SH3RF1: variants seen among roughly 807,000 people sequenced by gnomAD.
SH3RF1 encodes SH3 domain containing ring finger 1.
Under a neutral mutation model 74.0 loss-of-function variants are expected in SH3RF1, and 32 were observed. That is an observed-to-expected ratio of 0.43 (90% CI 0.33 to 0.58). The LOEUF (loss-of-function observed/expected upper bound fraction) is 0.58, where lower values mean the gene tolerates loss of function less well. Ranked by LOEUF, SH3RF1 falls within the 20% of genes least tolerant of loss-of-function variation. The pLI, the probability that SH3RF1 is intolerant of heterozygous loss-of-function variation, is 0.05. For missense variants in SH3RF1, 954 were observed against 1,130.9 expected (o/e 0.84, Z 2.24); for synonymous variants, 396 against 439.6 (o/e 0.90, Z 1.24).
chr4:169,270,535 CG>C (rs1731430911), intron 1 of SH3RF1, among the ~76,000 whole-genome samples: 1 of 152,222 alleles, frequency 6.6e-6, no homozygotes, highest in South Asian at 2.1e-4. Flanking sequence ...CAGAGTGCCA[CG>C]GGGAAGCAGC....
At chr4:169,140,822 CACTACAGGATACAAACAGTAGATCTGAGA>C (rs963584802) in intron 4 of SH3RF1, among the ~76,000 whole-genome samples, 2 of 152,060 alleles carry the variant, frequency 1.3e-5, no homozygotes, top group Non-Finnish European at 2.9e-5. Context: ...AGCTTCTGAG[CACTACAGGATACAAACAGTAGATCTGAGA>C]AGTAATTATT....
At chr4:169,204,104 A>T (rs539907885) in intron 2 of SH3RF1, 2 of 152,332 alleles carry the variant, frequency 1.3e-5, no homozygotes, top group African/African-American at 4.8e-5. Context: ...AAAGAACTCA[A>T]GGGTAAGTAA....
rs138454895 is a variant in SH3RF1 at position 169,100,549 on chromosome 4, C to T, written c.2499-3862G>A. Among the ~76,000 whole-genome samples the T allele has an allele frequency of 4.1e-3, 620 of 152,200 alleles. 5 individuals are homozygous for T. The highest frequency in any genetic ancestry group is 0.014 in the African/African-American group (599 of 41,512). The stretch of plus-strand genomic sequence containing the variant: ...TAGAGACAGGGTTTCAATATATTGG[C>T]CAGGCTGGTCTCTAACTCCTGACCT... On this transcript the variant is annotated intron_variant, in intron 11 of 11. Coordinates refer to ENST00000284637, the MANE Select transcript of SH3RF1 (RefSeq NM_020870.4).
chr4:169,145,001 C>T (rs896724432), intron 4 of SH3RF1, among the ~76,000 whole-genome samples: 1 of 152,112 alleles, frequency 6.6e-6, no homozygotes, highest in Admixed American at 6.6e-5. Context: ...AACCATCCAA[C>T]CAACGACCCA....
intron 2 of SH3RF1, among the ~76,000 whole-genome samples, chr4:169,167,367 T>C (rs1368224305): frequency 6.6e-6 from 1 of 152,210 alleles, no homozygotes; most frequent in Non-Finnish European, 1.5e-5. Context: ...AGATTGCTAG[T>C]GGGGGTCTAA....
chr4:169,159,375 CAG>C (rs762904420), intron 2 of SH3RF1, among the ~76,000 whole-genome samples: 2 of 151,730 alleles, frequency 1.3e-5, no homozygotes, highest in Admixed American at 6.6e-5. Flanking sequence ...CAGCAATCGA[CAG>C]AGAGAGAGAG....
At chr4:169,182,053 C>A (rs1734520822) in intron 2 of SH3RF1, among the ~76,000 whole-genome samples, 1 of 152,116 alleles carries the variant, frequency 6.6e-6, no homozygotes, top group Non-Finnish European at 1.5e-5. Flanking sequence ...AGTAGGCACT[C>A]AATTTTTGTT....
chr4:169,179,293 A>C (rs1734470751), intron 2 of SH3RF1, among the ~76,000 whole-genome samples: 1 of 152,228 alleles, frequency 6.6e-6, no homozygotes. Context: ...AAATGTAAAT[A>C]AGGAAACATT....
At chr4:169,168,798 A>C (rs1299233935) in intron 2 of SH3RF1, among the ~76,000 whole-genome samples, 1 of 152,266 alleles carries the variant, frequency 6.6e-6, no homozygotes, top group Non-Finnish European at 1.5e-5. Flanking sequence ...TTGGCAATCA[A>C]ATCATCTGAG....
At chr4:169,246,120 T>C (rs1290887811) in intron 2 of SH3RF1, among the ~76,000 whole-genome samples, 2 of 152,044 alleles carry the variant, frequency 1.3e-5, no homozygotes, top group Admixed American at 1.3e-4. Flanking sequence ...GTGTCTGAAG[T>C]TGGCAAAGTC....
chr4:169,258,231 T>G (rs1162310627), intron 2 of SH3RF1, among the ~76,000 whole-genome samples: 2 of 152,208 alleles, frequency 1.3e-5, no homozygotes, highest in Non-Finnish European at 2.9e-5. Context: ...ATATAGGTGA[T>G]TCTCAGCTTC....
chr4:169,105,589 T>A (rs909493978), intron 11 of SH3RF1, among the ~76,000 whole-genome samples: 2 of 152,196 alleles, frequency 1.3e-5, no homozygotes, highest in African/African-American at 4.8e-5. Flanking sequence ...CCCTTCTGGC[T>A]CAGGAAGAAG....
At chr4:169,247,685 G>A (rs1490504716) in intron 2 of SH3RF1, among the ~76,000 whole-genome samples, 1 of 152,168 alleles carries the variant, frequency 6.6e-6, no homozygotes, top group Non-Finnish European at 1.5e-5. Flanking sequence ...ATCTGAGTCT[G>A]AGGAGGCATC....
At chr4:169,171,224 T>C (rs990235649) in intron 2 of SH3RF1, among the ~76,000 whole-genome samples, 1 of 152,240 alleles carries the variant, frequency 6.6e-6, no homozygotes, top group Non-Finnish European at 1.5e-5. Context: ...CTCACTTCTG[T>C]TTTCTGTGAA....
intron 10 of SH3RF1, among the ~76,000 whole-genome samples, chr4:169,109,188 C>A (rs903089007): frequency 2.0e-5 from 3 of 152,210 alleles, no homozygotes; most frequent in Non-Finnish European, 1.5e-5. Context: ...AAAGCACACA[C>A]TAGTCCACGG....
intron 11 of SH3RF1, among the ~76,000 whole-genome samples, chr4:169,101,332 G>A (rs991090007): frequency 2.0e-5 from 3 of 152,152 alleles, no homozygotes; most frequent in Non-Finnish European, 4.4e-5. Context: ...CCTTGCAAAC[G>A]TTATGCTAAG....
chr4:169,180,562 G>C (rs930645924), intron 2 of SH3RF1, among the ~76,000 whole-genome samples: 1 of 152,222 alleles, frequency 6.6e-6, no homozygotes, highest in African/African-American at 2.4e-5. Flanking sequence ...GAGTAAACAA[G>C]GGGAGTATGG....
rs1223218133 is a variant in SH3RF1 at position 169,120,848 on chromosome 4, G to C, written c.1488C>G (p.Phe496Leu). ...TSMHTSKIGV[F>L]PGNYVAPVTR... Reference sequence around the variant, plus strand: ...TGACTGGTGCCACATAATTGCCAGGGAAAACCCCTATCTTGCTGGTATGCA... The same window carrying C: ...TGACTGGTGCCACATAATTGCCAGGCAAAACCCCTATCTTGCTGGTATGCA... Residue 496 changes from phenylalanine to leucine, a missense_variant, in exon 8 of 12, where the codon TTC (phenylalanine) becomes TTG (leucine). By Grantham distance (22) the Phe-to-Leu change is conservative. This residue lies in a region of SH3RF1 where 854 missense variants were observed against 962.5 expected (regional missense o/e 0.89). Transcript: ENST00000284637. 1.2e-6 allele frequency: 2 copies of C among 1,614,126 alleles called. No homozygotes were observed. The highest frequency in any genetic ancestry group is 1.7e-6 in the Non-Finnish European group (2 of 1,180,020).
intron 2 of SH3RF1, among the ~76,000 whole-genome samples, chr4:169,252,353 A>G (rs995704763): frequency 1.3e-5 from 2 of 152,326 alleles, no homozygotes; most frequent in East Asian, 1.9e-4. Flanking sequence ...CCCCAAGGTA[A>G]TGTGTCAAAA....
Sources: allele counts gnomAD v4.1 joint callset (sites outside exome capture counted in the v4.1 genomes callset), GRCh38; gene constraint gnomAD v4.1.1; regional missense constraint gnomAD v4.1.1; transcripts MANE v1.5; gene names NCBI Gene and HGNC (gene_info 2026-07-23, HGNC 2026-07-21).